The following DYSF variants were observed in gnomAD, a reference collection of about 807,000 sequenced individuals.
DYSF encodes dystrophy-associated fer-1-like 1.
DYSF carries 212 observed loss-of-function variants against 274.9 expected under a neutral mutation model. That is an observed-to-expected ratio of 0.77 (90% CI 0.69 to 0.86). The LOEUF (loss-of-function observed/expected upper bound fraction) is 0.86, where lower values mean the gene tolerates loss of function less well. Ranked by LOEUF, DYSF falls within the 40% of genes least tolerant of loss-of-function variation. The pLI is 0.00. For synonymous variants in DYSF, 1,091 were observed against 1,078.7 expected (o/e 1.01, Z -0.22); for missense variants, 2,666 against 2,783.2 (o/e 0.96, Z 0.95).
At chr2:71,654,062 G>A (rs2094721391) in intron 42 of DYSF, among the ~76,000 whole-genome samples, 1 of 152,076 alleles carries the variant, frequency 6.6e-6, no homozygotes. Context: ...AATCACCACA[G>A]AACAGAAAAC....
intron 17 of DYSF, among the ~76,000 whole-genome samples, chr2:71,548,205 C>G (rs2090634034): frequency 6.6e-6 from 1 of 152,220 alleles, no homozygotes; most frequent in African/African-American, 2.4e-5. Flanking sequence ...GGGCCGGGCC[C>G]TCCTTGCTGT....
At chr2:71,597,781 C>T (rs2093441499) in intron 32 of DYSF, among the ~76,000 whole-genome samples, 1 of 152,162 alleles carries the variant, frequency 6.6e-6, no homozygotes, top group Admixed American at 6.5e-5. Context: ...CTCGCACACC[C>T]CTACTGCTAA....
Position 71,679,163 on chromosome 2 carries a change from C to T in DYSF, c.5991C>T (p.Ser1997=), listed in dbSNP as rs895509281. Residue 1997 remains serine (S), a synonymous_variant, in exon 53 of 56, where the codon TCC becomes TCT. Coordinates refer to ENST00000410020, the MANE Select transcript of DYSF (RefSeq NM_001130987.2). The part of the protein sequence containing the change: ...DDAFHPEWFV[S]LFEQKTVKGW... ...CTTTCCACCCAGAATGGTTTGTGTC[C>T]CTTTTTGAGCAGAAAACAGTGAAGG... 6.2e-7 allele frequency: 1 copy of T among 1,614,040 alleles called. No homozygotes were observed. The highest frequency in any genetic ancestry group is 8.5e-7 in the Non-Finnish European group (1 of 1,179,960).
intron 28 of DYSF, 104 bp from the exon 29 acceptor site, chr2:71,570,495 A>AGTGGCCGCTCAAGAGTCT: frequency 6.6e-7 from 1 of 1,521,776 alleles, no homozygotes; most frequent in Non-Finnish European, 9.0e-7. Flanking sequence ...ACCGAGAGTC[A>AGTGGCCGCTCAAGAGTCT]GTGGCCGCTC....
At chr2:71,620,718 A>G in intron 41 of DYSF, 109 bp downstream of exon 41, 1 of 1,201,638 alleles carries the variant, frequency 8.3e-7, no homozygotes, top group Non-Finnish European at 1.2e-6. Context: ...GAAAGGAGGT[A>G]TTTCCTGAGC....
intron 41 of DYSF, among the ~76,000 whole-genome samples, chr2:71,639,299 G>A (rs959885490): frequency 4.6e-5 from 7 of 152,066 alleles, no homozygotes; most frequent in Admixed American, 4.6e-4. Context: ...TATTGGTAGT[G>A]TATTTTGAAG....
chr2:71,524,844 G>C (rs910146836), intron 12 of DYSF, among the ~76,000 whole-genome samples: 1 of 152,184 alleles, frequency 6.6e-6, no homozygotes, highest in East Asian at 1.9e-4. Flanking sequence ...AAGCCCCCTT[G>C]CTCTGTGCTC....
chr2:71,494,415 C>A (rs1224769531), intron 3 of DYSF, among the ~76,000 whole-genome samples: 1 of 152,146 alleles, frequency 6.6e-6, no homozygotes, highest in Admixed American at 6.5e-5. Context: ...TTCTTTTCTC[C>A]CCCTTGAAGT....
intron 32 of DYSF, among the ~76,000 whole-genome samples, chr2:71,593,125 CTT>C (rs35900869): frequency 0.062 from 5,294 of 85,354 alleles, 132 homozygotes; most frequent in African/African-American, 0.13. Flanking sequence ...TCAGTGACTT[CTT>C]TTTTTTTTTT....
At chr2:71,541,401 G>A (rs563239916) in intron 17 of DYSF, among the ~76,000 whole-genome samples, 2 of 152,032 alleles carry the variant, frequency 1.3e-5, no homozygotes, top group African/African-American at 4.8e-5. Flanking sequence ...ATTACGTTGA[G>A]GTATAATTTA....
At chr2:71,549,383 C>T (rs776006496) in intron 17 of DYSF, 1 of 1,612,408 alleles carries the variant, frequency 6.2e-7, no homozygotes, top group South Asian at 1.1e-5. Flanking sequence ...CCTTCGAAAG[C>T]CTCAGACTGT....
intron 17 of DYSF, among the ~76,000 whole-genome samples, chr2:71,545,732 C>A (rs147235087): frequency 6.6e-6 from 1 of 152,128 alleles, no homozygotes; most frequent in Non-Finnish European, 1.5e-5. Flanking sequence ...ACGCTGCAGC[C>A]GTGCCTACCA....
At chr2:71,516,392 G>A in intron 9 of DYSF, 150 bp downstream of exon 9, 2 of 783,948 alleles carry the variant, frequency 2.6e-6, no homozygotes, top group Non-Finnish European at 4.4e-6. Flanking sequence ...GTGTATGTGA[G>A]TATGTGCGTG....
chr2:71,632,708 G>A (rs1432799994), intron 41 of DYSF, among the ~76,000 whole-genome samples: 1 of 152,140 alleles, frequency 6.6e-6, no homozygotes, highest in Non-Finnish European at 1.5e-5. Flanking sequence ...TACTGGCTAG[G>A]TTCCATTCCT....
At chr2:71,644,876 G>T (rs577400289) in intron 42 of DYSF, among the ~76,000 whole-genome samples, 1 of 152,312 alleles carries the variant, frequency 6.6e-6, no homozygotes, top group South Asian at 2.1e-4. Flanking sequence ...ATCAAATATT[G>T]CACGGGGCAT....
At chr2:71,610,213 T>C (rs13408287) in intron 36 of DYSF, among the ~76,000 whole-genome samples, 26,991 of 152,172 alleles carry the variant, frequency 0.18, 5,081 homozygotes, top group African/African-American at 0.48. Context: ...TTAAGCACAT[T>C]TTTCTCTAAT....
intron 1 of DYSF, among the ~76,000 whole-genome samples, chr2:71,467,529 C>T (rs1024738046): frequency 2.6e-5 from 4 of 152,138 alleles, no homozygotes; most frequent in Admixed American, 6.5e-5. Context: ...GCTTAGAATA[C>T]ATACAGGTAT....
intron 52 of DYSF, among the ~76,000 whole-genome samples, chr2:71,677,758 C>T (rs577549190): frequency 6.6e-6 from 1 of 152,168 alleles, no homozygotes; most frequent in African/African-American, 2.4e-5. Flanking sequence ...TAAAATGATT[C>T]GGCTGCTGTG....
intron 16 of DYSF, among the ~76,000 whole-genome samples, chr2:71,538,797 G>A (rs559705602): frequency 6.6e-6 from 1 of 152,290 alleles, no homozygotes; most frequent in South Asian, 2.1e-4. Flanking sequence ...CCGGGAACCT[G>A]GCTCCCTGAA....
Sources: gnomAD v4.1 joint callset for allele counts (sites outside exome capture counted in the v4.1 genomes callset) on GRCh38, gnomAD v4.1.1 for gene constraint, MANE v1.5 for transcripts, NCBI Gene and HGNC (gene_info 2026-07-23, HGNC 2026-07-21) for gene names.